The following KCNJ12 variants were observed in gnomAD, a reference collection of about 807,000 sequenced individuals.
KCNJ12 encodes the protein ATP-sensitive inward rectifier potassium channel 12.
In KCNJ12, 2 loss-of-function variants were observed where a neutral mutation model predicts 22.3. The observed-to-expected ratio is 0.09, with a 90% confidence interval of 0.04 to 0.28. KCNJ12 has a LOEUF of 0.28. KCNJ12 is among the 10% of genes least tolerant of loss of function. KCNJ12 has a pLI of 1.00. For synonymous variants in KCNJ12, 117 were observed against 261.4 expected, an observed-to-expected ratio of 0.45 and a Z score of 5.33; for missense variants, 155 against 633.3, an observed-to-expected ratio of 0.24 and a Z score of 8.11.
At chr17:21,399,369 C>T (rs1555560236) in intron 1 of KCNJ12, among the ~76,000 whole-genome samples, 1 of 152,226 alleles carries the variant, frequency 6.6e-6, no homozygotes, top group African/African-American at 2.4e-5. Context: ...TTTCTTCCTG[C>T]TCCAGGCATG....
chr17:21,382,244 T>A (rs1904893339), intron 1 of KCNJ12, among the ~76,000 whole-genome samples: 1 of 152,244 alleles, frequency 6.6e-6, no homozygotes, highest in Non-Finnish European at 1.5e-5. Context: ...CCCATCTGAT[T>A]CCTTCTGAGG....
At chr17:21,414,186 C>G (rs1224635507) in intron 2 of KCNJ12, among the ~76,000 whole-genome samples, 9 of 152,404 alleles carry the variant, frequency 5.9e-5, no homozygotes, top group South Asian at 2.1e-4. Flanking sequence ...GGAAGGACAA[C>G]AAGAAGCAAA....
intron 1 of KCNJ12, among the ~76,000 whole-genome samples, chr17:21,387,440 C>CAAAAAAAAAAAAAAAAAAAAAAAAAAAAA: frequency 2.7e-5 from 1 of 36,540 alleles, no homozygotes; most frequent in Non-Finnish European, 6.2e-5. Flanking sequence ...GACTCTATCT[C>CAAAAAAAAAAAAAAAAAAAAAAAAAAAAA]AAAAAAAAAA....
intron 1 of KCNJ12, among the ~76,000 whole-genome samples, chr17:21,403,222 C>T (rs1190449920): frequency 1.3e-5 from 2 of 152,310 alleles, no homozygotes; most frequent in African/African-American, 4.8e-5. Flanking sequence ...GTGGGACATT[C>T]CAGAGACATT....
rs980572877 is a variant in KCNJ12, at chr17:21,388,867, C to T, written c.-179+11954C>T. ...TCTCTAAAGAAGGCCCCGCTGGGCC[C>T]CCCCCGAGGGAAGGTAGAGACATCC... On this transcript the variant is annotated intron_variant, in intron 1 of 2. Transcript: ENST00000583088. Among the ~76,000 whole-genome samples, 4 of 152,196 alleles carry T rather than the reference C, an allele frequency of 2.6e-5. No homozygotes were observed. The East Asian group carries it at 5.8e-4, about 22-fold the overall frequency.
At chr17:21,381,993 A>C (rs1555557977) in intron 1 of KCNJ12, among the ~76,000 whole-genome samples, 1 of 152,130 alleles carries the variant, frequency 6.6e-6, no homozygotes, top group Non-Finnish European at 1.5e-5. Flanking sequence ...AGATGAGAAA[A>C]CTGAGCCTCA....
rs1440998695 is a variant in KCNJ12 at position 21,376,784 on chromosome 17, C to T, written c.-308C>T. 1 of 111,336 alleles carries T rather than the reference C, an allele frequency of 9.0e-6. No individual in the cohort carries two copies. Among genetic ancestry groups the T allele is most frequent in the South Asian group, 3.6e-4 (1 of 2,758 alleles). 6.9% of individuals were successfully genotyped at this position (111,336 alleles called of 1,614,324 possible). Reference sequence around the variant, plus strand: ...AGACGCGCCCCTCGGCATGGAGCGCCCCCGGGAGCTGCCCTGAGGCGGTGG... The same window carrying T: ...AGACGCGCCCCTCGGCATGGAGCGCTCCCGGGAGCTGCCCTGAGGCGGTGG... On this transcript the variant is annotated 5_prime_UTR_variant, in exon 1 of 3. Coordinates refer to ENST00000583088, the MANE Select transcript of KCNJ12 (RefSeq NM_021012.5). The surrounding 1 kb of genome is among the most constrained non-coding windows in gnomAD (Gnocchi z 5.3).
At chr17:21,386,014 A>G (rs1905058849) in intron 1 of KCNJ12, among the ~76,000 whole-genome samples, 1 of 152,250 alleles carries the variant, frequency 6.6e-6, no homozygotes, top group Non-Finnish European at 1.5e-5. Context: ...ACCACCAACC[A>G]GGTCCAGTAA....
intron 1 of KCNJ12, among the ~76,000 whole-genome samples, chr17:21,397,008 G>A (rs1449164218): frequency 6.6e-6 from 1 of 152,220 alleles, no homozygotes; most frequent in African/African-American, 2.4e-5. Context: ...GTGACCCTGG[G>A]CAAGTGTGTT....
chr17:21,403,075 A>T (rs1338788147), intron 1 of KCNJ12, among the ~76,000 whole-genome samples: 7 of 152,304 alleles, frequency 4.6e-5, no homozygotes, highest in African/African-American at 9.6e-5. Context: ...GTACTCACGG[A>T]GGAGCAAGGG....
chr17:21,409,052 C>A (rs1416681443), intron 2 of KCNJ12, among the ~76,000 whole-genome samples: 1 of 152,312 alleles, frequency 6.6e-6, no homozygotes, highest in Non-Finnish European at 1.5e-5. Context: ...TAGTCCTTCA[C>A]CCTTCATCTG....
At position 21,382,165 on chromosome 17, in the gene KCNJ12, C is replaced by T. The variant is rs999169177; in HGVS notation, c.-179+5252C>T. Among the ~76,000 whole-genome samples, 7 of 152,306 alleles carry T rather than the reference C, an allele frequency of 4.6e-5. No individual in the cohort carries two copies. In the East Asian group the frequency reaches 1.4e-3, roughly 29 times the overall value. ...CTGGGTGGAGTGCTTTATATCTGTA[C>T]CCTCACTGCTTCAAGCTCCAAGCCC... On this transcript the variant is annotated intron_variant, in intron 1 of 2. Transcript: ENST00000583088.
intron 1 of KCNJ12, among the ~76,000 whole-genome samples, chr17:21,387,873 T>G (rs1555558877): frequency 6.6e-6 from 1 of 152,162 alleles, no homozygotes; most frequent in African/African-American, 2.4e-5. Flanking sequence ...CCTGTTTGCT[T>G]GAGGGGCTGT....
At chr17:21,397,894 C>A (rs1361198385) in intron 1 of KCNJ12, among the ~76,000 whole-genome samples, 2 of 152,178 alleles carry the variant, frequency 1.3e-5, no homozygotes, top group African/African-American at 4.8e-5. Context: ...CGAGACTTGC[C>A]CCCTCTCACC....
In KCNJ12 at chr17:21,401,626, G is replaced by A. The variant is rs1201597443; in HGVS notation, c.-178-6893G>A. On this transcript the variant is annotated intron_variant, in intron 1 of 2. Transcript: ENST00000583088. ...TGAGGCCCAGAGGGGACAGGGAAGG[G>A]GTGGTCCCATGGTGAGCTGAAGCTG... Among the ~76,000 whole-genome samples, 353 of 152,344 alleles carry A rather than the reference G, an allele frequency of 2.3e-3. 3 individuals are homozygous for A. The highest frequency in any genetic ancestry group is 8.3e-3 in the African/African-American group (346 of 41,582).
chr17:21,416,688 AG>A lies in KCNJ12; in HGVS notation c.*46del, dbSNP rs782731305. 1 of 1,526,678 alleles carries A rather than the reference AG, an allele frequency of 6.6e-7. No homozygotes were observed. Among genetic ancestry groups the A allele is most frequent in the Admixed American group, 2.1e-5 (1 of 47,718 alleles). The allele number at this position is 1,526,678 out of a possible 1,614,324, so 94.6% of individuals were successfully genotyped here. A position where few individuals can be genotyped will look rare whatever the true frequency, so the allele number is the denominator to read the frequency against. The stretch of plus-strand genomic sequence containing the variant: ...GCAGCATCCACCCCCGGCTGGGGAG[AG>A]GCCCCGCGGTCGCTCAGGGGCCCCG... On this transcript the variant is annotated 3_prime_UTR_variant, in exon 3 of 3. Coordinates refer to ENST00000583088, the MANE Select transcript of KCNJ12 (RefSeq NM_021012.5).
chr17:21,379,803 G>A (rs1460581728), intron 1 of KCNJ12, among the ~76,000 whole-genome samples: 1 of 148,666 alleles, frequency 6.7e-6, no homozygotes, highest in African/African-American at 2.4e-5. Context: ...GTGGGGGGGG[G>A]CCTGGCAGAG....
chr17:21,386,933 G>A (rs923596075), intron 1 of KCNJ12, among the ~76,000 whole-genome samples: 20 of 152,192 alleles, frequency 1.3e-4, no homozygotes, highest in Non-Finnish European at 2.9e-5. Flanking sequence ...GGTTCTGTGT[G>A]GACATCTCTT....
chr17:21,392,037 G>A (rs930259174), intron 1 of KCNJ12, among the ~76,000 whole-genome samples: 2 of 152,208 alleles, frequency 1.3e-5, no homozygotes, highest in Non-Finnish European at 2.9e-5. Flanking sequence ...AGGTAGAACC[G>A]GCTGACTTAT....
Sources: gnomAD v4.1 joint callset for allele counts (sites outside exome capture counted in the v4.1 genomes callset) on GRCh38, gnomAD v4.1.1 for gene constraint, Gnocchi (gnomAD v3.1) non-coding constraint, MANE v1.5 for transcripts, NCBI Gene and HGNC (gene_info 2026-07-23, HGNC 2026-07-21) for gene names.